Variants in PKD2L2 observed in about 807,000 individuals in gnomAD.
PKD2L2 encodes the protein polycystin-2-like protein 2.
In PKD2L2, 67 loss-of-function variants were observed where a neutral mutation model predicts 83.9. The ratio of observed to expected loss-of-function variants is 0.80; its 90% CI spans 0.66 to 0.98. PKD2L2 has a LOEUF of 0.98. Among genes scored for constraint, PKD2L2 ranks in the 50% least tolerant of loss-of-function variants. The pLI is 0.00. For synonymous variants in PKD2L2, 223 were observed against 237.8 expected (o/e 0.94, Z 0.57); for missense variants, 632 against 717.2 (o/e 0.88, Z 1.36).
At chr5:137,939,958 T>C in intron 14 of PKD2L2, 2 of 1,452,154 alleles carry the variant, frequency 1.4e-6, no homozygotes. Context: ...AAAGGATGTA[T>C]CTGTAGTACA....
At chr5:137,930,626 G>T (rs1318087940) in intron 12 of PKD2L2, among the ~76,000 whole-genome samples, 1 of 146,732 alleles carries the variant, frequency 6.8e-6, no homozygotes, top group Non-Finnish European at 1.5e-5. Flanking sequence ...TCACGCCACT[G>T]TACCAATCCA....
chr5:137,900,438 AAGT>A (rs1756858761), intron 5 of PKD2L2, among the ~76,000 whole-genome samples: 1 of 152,236 alleles, frequency 6.6e-6, no homozygotes, highest in African/African-American at 2.4e-5. Context: ...TGCTCCCACA[AAGT>A]AGAGAAATAT....
intron 3 of PKD2L2, among the ~76,000 whole-genome samples, chr5:137,893,727 G>A (rs935173833): frequency 6.6e-6 from 1 of 152,172 alleles, no homozygotes; most frequent in East Asian, 1.9e-4. Context: ...AGGAGACACG[G>A]TCATTTCCTG....
intron 6 of PKD2L2, among the ~76,000 whole-genome samples, 199 bp downstream of exon 6, chr5:137,906,633 T>C (rs1356061836): frequency 6.6e-6 from 1 of 152,178 alleles, no homozygotes; most frequent in Non-Finnish European, 1.5e-5. Flanking sequence ...GATTTGGTCC[T>C]TGGGAGGGTC....
In PKD2L2 at chr5:137,894,619, A is replaced by G; in HGVS notation, c.524+10A>G. On this transcript the variant is annotated intron_variant, in intron 4 of 14. Coordinates refer to ENST00000508883, the MANE Select transcript of PKD2L2 (RefSeq NM_001300921.2). ...TTCAAATTAATACTGAGTAAGTAGC[A>G]TAAAATTATACTGTAACTTTTTCTA... The G allele has an allele frequency of 1.3e-6, 2 of 1,595,212 alleles. No individual in the cohort carries two copies. Among genetic ancestry groups the G allele is most frequent in the Non-Finnish European group, 1.7e-6 (2 of 1,166,624 alleles).
chr5:137,899,490 AC>A (rs1756773665), intron 4 of PKD2L2, 25 bp from the exon 5 acceptor site: 2 of 1,355,500 alleles, frequency 1.5e-6, no homozygotes, highest in Non-Finnish European at 2.1e-6. Context: ...TTGTCATTTC[AC>A]CATTATTCTT....
chr5:137,895,857 G>A (rs1473167881), intron 4 of PKD2L2, among the ~76,000 whole-genome samples: 7 of 148,314 alleles, frequency 4.7e-5, no homozygotes, highest in Admixed American at 3.4e-4. Context: ...TGGCCTGGAC[G>A]GTAGTGTGAG....
intron 8 of PKD2L2, among the ~76,000 whole-genome samples, chr5:137,913,637 C>T (rs1368278360): frequency 1.2e-4 from 18 of 151,610 alleles, no homozygotes; most frequent in African/African-American, 4.4e-4. Context: ...ACTATAGGCA[C>T]ATGCCACCAC....
intron 5 of PKD2L2, among the ~76,000 whole-genome samples, chr5:137,902,595 G>C: frequency 6.6e-6 from 1 of 152,140 alleles, no homozygotes; most frequent in South Asian, 2.1e-4. Flanking sequence ...GCTTGGCCTG[G>C]CATAAATCAA....
intron 8 of PKD2L2, among the ~76,000 whole-genome samples, 179 bp from the exon 9 acceptor site, chr5:137,921,457 T>C (rs757496959): frequency 1.3e-5 from 2 of 152,118 alleles, no homozygotes; most frequent in Admixed American, 6.5e-5. Flanking sequence ...GTACCTTAAG[T>C]CTTTCCTTTA....
At chr5:137,904,842 T>C (rs1419015952) in intron 5 of PKD2L2, among the ~76,000 whole-genome samples, 1 of 152,194 alleles carries the variant, frequency 6.6e-6, no homozygotes, top group Admixed American at 6.5e-5. Flanking sequence ...GAATATGGAA[T>C]TGGAGTTTAG....
intron 12 of PKD2L2, among the ~76,000 whole-genome samples, chr5:137,932,557 G>T (rs1245921921): frequency 2.0e-5 from 3 of 152,156 alleles, no homozygotes; most frequent in Admixed American, 2.0e-4. Flanking sequence ...GCAGGAAGAG[G>T]TTACCACTCC....
At chr5:137,920,942 C>T (rs1758840790) in intron 8 of PKD2L2, among the ~76,000 whole-genome samples, 1 of 152,128 alleles carries the variant, frequency 6.6e-6, no homozygotes, top group Non-Finnish European at 1.5e-5. Context: ...GGGTCTAAAC[C>T]TTCTACAAGT....
In PKD2L2 at chr5:137,926,385, T is replaced by C. The variant is rs722884; in HGVS notation, c.1671+456T>C. Among the ~76,000 whole-genome samples the C allele has an allele frequency of 2.7e-3, 415 of 152,080 alleles. 4 individuals are homozygous for C. The South Asian group carries it at 0.028, about 10-fold the overall frequency. On this transcript the variant is annotated intron_variant, in intron 12 of 14. Transcript: ENST00000508883. ...CACTTAAAAAAAAAAAAGTGAACCA[T>C]TGCTCTACTTCTGGTCACCACCTCT...
In PKD2L2 at chr5:137,930,040, G is replaced by C. The variant is rs557507433; in HGVS notation, c.1671+4111G>C. Among the ~76,000 whole-genome samples, 13 of 151,924 alleles carry C rather than the reference G, an allele frequency of 8.6e-5. No individual in the cohort carries two copies. In the South Asian group the frequency reaches 2.7e-3, roughly 32 times the overall value. Reference sequence around the variant, plus strand: ...GTATCAACTTTAATAAAGATTACTGGATTTTAAAAAGGAGAAATAGGAACA... The same window carrying C: ...GTATCAACTTTAATAAAGATTACTGCATTTTAAAAAGGAGAAATAGGAACA... On this transcript the variant is annotated intron_variant, in intron 12 of 14. Coordinates refer to ENST00000508883, the MANE Select transcript of PKD2L2 (RefSeq NM_001300921.2).
chr5:137,936,049 T>G, intron 13 of PKD2L2, 140 bp downstream of exon 13: 1 of 650,500 alleles, frequency 1.5e-6, no homozygotes, highest in Non-Finnish European at 2.7e-6. Context: ...AGTTTTAAAG[T>G]TGCATATGAC....
chr5:137,925,182 TG>T (rs1324760886), intron 11 of PKD2L2, 78 bp downstream of exon 11: 8 of 921,914 alleles, frequency 8.7e-6, no homozygotes, highest in South Asian at 1.4e-5. Flanking sequence ...AGGTTTTTTT[TG>T]TTTTTTGTTT....
intron 8 of PKD2L2, among the ~76,000 whole-genome samples, chr5:137,911,458 C>A (rs1324467552): frequency 1.3e-5 from 2 of 152,072 alleles, no homozygotes; most frequent in African/African-American, 2.4e-5. Context: ...TCTTCAAGAC[C>A]CTCCTTTCAG....
At chr5:137,912,719 A>G (rs1216286828) in intron 8 of PKD2L2, among the ~76,000 whole-genome samples, 1 of 148,256 alleles carries the variant, frequency 6.7e-6, no homozygotes, top group Non-Finnish European at 1.5e-5. Context: ...TCATATATCT[A>G]TTGGCCATTT....
Sources: allele counts gnomAD v4.1 joint callset (sites outside exome capture counted in the v4.1 genomes callset), GRCh38; gene constraint gnomAD v4.1.1; transcripts MANE v1.5; gene names NCBI Gene and HGNC (gene_info 2026-07-23, HGNC 2026-07-21).